Variants in PAPPA2 observed in about 807,000 individuals in gnomAD.
The protein encoded by PAPPA2 is pappalysin 2.
PAPPA2 carries 86 observed loss-of-function variants against 176.4 expected under a neutral mutation model. That is an observed-to-expected ratio of 0.49 (90% CI 0.41 to 0.58). The LOEUF is 0.58. Among genes scored for constraint, PAPPA2 ranks in the 20% least tolerant of loss-of-function variants. PAPPA2 has a pLI of 0.00. For synonymous variants in PAPPA2, 809 were observed against 852.2 expected, an observed-to-expected ratio of 0.95 and a Z score of 0.88; for missense variants, 2,073 against 2,256.9, an observed-to-expected ratio of 0.92 and a Z score of 1.65.
intron 14 of PAPPA2, among the ~76,000 whole-genome samples, chr1:176,748,257 C>G (rs1249068446): frequency 6.6e-6 from 1 of 152,170 alleles, no homozygotes; most frequent in Non-Finnish European, 1.5e-5. Context: ...GAGCCACATG[C>G]TATAATGGTT....
At position 176,569,180 on chromosome 1, in the gene PAPPA2, A is replaced by T. The variant is rs115339525; in HGVS notation, c.919+11939A>T. 6.3e-3 allele frequency among the ~76,000 whole-genome samples: 958 copies of T among 152,290 alleles called. 13 individuals are homozygous for T. The highest frequency in any genetic ancestry group is 0.022 in the African/African-American group (900 of 41,564). ...CACCCACACACCCACACCTTCATAT[A>T]TGATACAATCATGCTCTCACACCAT... On this transcript the variant is annotated intron_variant, in intron 2 of 22. Coordinates refer to ENST00000367662, the MANE Select transcript of PAPPA2 (RefSeq NM_020318.3).
chr1:176,592,737 C>T (rs975753117), intron 2 of PAPPA2, among the ~76,000 whole-genome samples: 3 of 152,164 alleles, frequency 2.0e-5, no homozygotes, highest in Non-Finnish European at 4.4e-5. Context: ...AGTACTTTCT[C>T]TTAAAGATCA....
At chr1:176,529,466 C>T (rs1358626322) in intron 1 of PAPPA2, among the ~76,000 whole-genome samples, 1 of 151,898 alleles carries the variant, frequency 6.6e-6, no homozygotes, top group Non-Finnish European at 1.5e-5. Context: ...CCGATTTCAC[C>T]GAGATCCACA....
intron 14 of PAPPA2, among the ~76,000 whole-genome samples, chr1:176,760,758 G>C (rs1663659456): frequency 6.6e-6 from 1 of 152,152 alleles, no homozygotes; most frequent in Non-Finnish European, 1.5e-5. Flanking sequence ...CAATAGCCAA[G>C]GGTTAACATA....
intron 21 of PAPPA2, among the ~76,000 whole-genome samples, chr1:176,830,245 A>C (rs1238576294): frequency 2.6e-5 from 4 of 152,192 alleles, no homozygotes; most frequent in Non-Finnish European, 5.9e-5. Flanking sequence ...AATAGATGAC[A>C]GGGGGAATGT....
At chr1:176,804,010 C>T (rs1260335093) in intron 21 of PAPPA2, among the ~76,000 whole-genome samples, 1 of 152,096 alleles carries the variant, frequency 6.6e-6, no homozygotes, top group Non-Finnish European at 1.5e-5. Flanking sequence ...GATTCTTGTG[C>T]CTCATTAGCC....
chr1:176,699,101 G>T lies in PAPPA2; in HGVS notation c.2748G>T (p.Gly916=). 6.2e-7 allele frequency: 1 copy of T among 1,607,734 alleles called. No homozygotes were observed. The highest frequency in any genetic ancestry group is 8.5e-7 in the Non-Finnish European group (1 of 1,175,580). The change falls in exon 8 of 23, where the codon GGG becomes GGT. Residue 916 remains glycine, a splice_region_variant and synonymous_variant. Transcript: ENST00000367662. ...SGYWTPEEAV[G]PPDVDQPCEP... ...ATCTTTCTGCTAATCTCCCCCCAGG[G>T]CCTCCTGATGTGGATCAGCCCTGCG... is the stretch of plus-strand genomic sequence containing the variant.
At chr1:176,491,234 G>C (rs1647272853) in intron 1 of PAPPA2, among the ~76,000 whole-genome samples, 1 of 152,234 alleles carries the variant, frequency 6.6e-6, no homozygotes, top group African/African-American at 2.4e-5. Flanking sequence ...GAAGCTAACA[G>C]TCTGGTGAGG....
chr1:176,734,393 AACACAC>A lies in PAPPA2; in HGVS notation c.3799-5207_3799-5202del, dbSNP rs34765229. ...TTATGAGTTGATCTCACCCTTCTGA[AACACAC>A]ACACACACACACACACACACACACA... On this transcript the variant is annotated intron_variant, in intron 12 of 22. Transcript: ENST00000367662. Among the ~76,000 whole-genome samples, 84 of 147,442 alleles carry A rather than the reference AACACAC, an allele frequency of 5.7e-4. No individual in the cohort carries two copies. In the Middle Eastern group the frequency reaches 0.01, roughly 18 times the overall value.
intron 2 of PAPPA2, among the ~76,000 whole-genome samples, chr1:176,590,917 G>A (rs544343380): frequency 6.6e-5 from 10 of 152,196 alleles, no homozygotes; most frequent in African/African-American, 2.2e-4. Context: ...CAGAACCTCA[G>A]TGTCTGCATC....
chr1:176,690,821 T>C (rs990224492), intron 5 of PAPPA2: 5 of 1,009,338 alleles, frequency 5.0e-6, no homozygotes, highest in Non-Finnish European at 5.9e-6. Context: ...AAAGAGTTTA[T>C]GGGTCAAGGT....
intron 1 of PAPPA2, among the ~76,000 whole-genome samples, chr1:176,498,323 C>T (rs1411084190): frequency 1.3e-5 from 2 of 152,136 alleles, no homozygotes; most frequent in African/African-American, 4.8e-5. Context: ...TGCTTGTTAG[C>T]AATTCTCTCT....
intron 2 of PAPPA2, among the ~76,000 whole-genome samples, chr1:176,587,818 A>C (rs114896707): frequency 6.6e-6 from 1 of 152,232 alleles, no homozygotes; most frequent in Non-Finnish European, 1.5e-5. Flanking sequence ...TGAGAGCAGC[A>C]AACCAACATG....
rs1301500977 is a variant in PAPPA2, at chr1:176,816,239, G to GTATA, written c.5202+16108_5202+16109insATAT. On this transcript the variant is annotated intron_variant, in intron 21 of 22. Transcript: ENST00000367662. ...ATATATAAAATTTATGTGTGTGTGT[G>GTATA]TGTATATATATATATATGTATGTAT... Among the ~76,000 whole-genome samples, 35 of 42,712 alleles carry GTATA rather than the reference G, an allele frequency of 8.2e-4. No homozygotes were observed. In the East Asian group the frequency reaches 8.7e-3, roughly 11 times the overall value. The allele number at this position is 42,712 out of a possible 152,430, so 28.0% of individuals were successfully genotyped here.
intron 21 of PAPPA2, among the ~76,000 whole-genome samples, chr1:176,833,652 G>A (rs1667160916): frequency 6.6e-6 from 1 of 152,058 alleles, no homozygotes; most frequent in Non-Finnish European, 1.5e-5. Flanking sequence ...CATTTTAGAT[G>A]GTTTATAGAG....
chr1:176,588,072 C>G (rs1436591361), intron 2 of PAPPA2, among the ~76,000 whole-genome samples: 4 of 152,134 alleles, frequency 2.6e-5, no homozygotes, highest in African/African-American at 9.7e-5. Context: ...TTGTTTGTGT[C>G]CTCTCTTATA....
chr1:176,550,583 C>T (rs1027828786), intron 1 of PAPPA2, among the ~76,000 whole-genome samples: 2 of 151,238 alleles, frequency 1.3e-5, no homozygotes, highest in Non-Finnish European at 3.0e-5. Flanking sequence ...TTGCTTTCAC[C>T]ATACTGCTCC....
chr1:176,830,431 A>G (rs993824475), intron 21 of PAPPA2, among the ~76,000 whole-genome samples: 10 of 152,298 alleles, frequency 6.6e-5, no homozygotes, highest in African/African-American at 2.4e-4. Flanking sequence ...TTGCTGATGG[A>G]GGAAAAGGGA....
intron 3 of PAPPA2, among the ~76,000 whole-genome samples, chr1:176,664,805 G>A (rs947612869): frequency 1.3e-5 from 2 of 152,156 alleles, no homozygotes; most frequent in African/African-American, 2.4e-5. Flanking sequence ...AATGTTTTGT[G>A]TATAATGTCT....
Sources: gnomAD v4.1 joint callset for allele counts (sites outside exome capture counted in the v4.1 genomes callset) on GRCh38, gnomAD v4.1.1 for gene constraint, MANE v1.5 for transcripts, NCBI Gene and HGNC (gene_info 2026-07-23, HGNC 2026-07-21) for gene names.